The following SORCS3 variants were observed in gnomAD, a reference collection of about 807,000 sequenced individuals.
SORCS3 encodes sortilin related VPS10 domain containing receptor 3, also known as VPS10 domain-containing receptor SorCS3.
A neutral mutation model predicts 146.3 loss-of-function variants in SORCS3; 57 were observed. The observed-to-expected ratio is 0.39, with a 90% CI of 0.31 to 0.49. The LOEUF (loss-of-function observed/expected upper bound fraction) is 0.49. Among genes scored for constraint, SORCS3 ranks in the 20% least tolerant of loss-of-function variants. SORCS3 has a pLI of 0.92. For missense variants in SORCS3, 1,341 were observed against 1,575.5 expected (o/e 0.85, Z 2.52); for synonymous variants, 653 against 618.5 (o/e 1.06, Z -0.83).
intron 1 of SORCS3, among the ~76,000 whole-genome samples, chr10:104,656,793 G>GAA (rs2015637082): frequency 6.6e-6 from 1 of 152,210 alleles, no homozygotes; most frequent in South Asian, 2.1e-4. Flanking sequence ...GGGTTAGAGG[G>GAA]AAAAAAGGAT....
intron 2 of SORCS3, among the ~76,000 whole-genome samples, chr10:104,876,785 T>C (rs1231639764): frequency 3.5e-5 from 5 of 144,612 alleles, no homozygotes; most frequent in Non-Finnish European, 7.5e-5. Context: ...TTCCTTCTTT[T>C]CTTTTTTCTT....
chr10:104,857,879 C>T (rs2018352855), intron 2 of SORCS3, among the ~76,000 whole-genome samples: 2 of 152,192 alleles, frequency 1.3e-5, no homozygotes, highest in South Asian at 4.1e-4. Flanking sequence ...TTAAACTTAT[C>T]CCATTTCATT....
intron 14 of SORCS3, among the ~76,000 whole-genome samples, chr10:105,179,419 T>C (rs2056428962): frequency 6.6e-6 from 1 of 152,200 alleles, no homozygotes; most frequent in Admixed American, 6.5e-5. Context: ...ACTCCTGTTT[T>C]CCTTTCCTCC....
chr10:105,031,107 C>T (rs1001390029), intron 4 of SORCS3, among the ~76,000 whole-genome samples: 3 of 151,704 alleles, frequency 2.0e-5, no homozygotes, highest in Non-Finnish European at 2.9e-5. Flanking sequence ...CCAGCCTGGC[C>T]AACATGGTAA....
intron 7 of SORCS3, among the ~76,000 whole-genome samples, chr10:105,123,107 A>G (rs1379641984): frequency 6.6e-6 from 1 of 152,272 alleles, no homozygotes; most frequent in Non-Finnish European, 1.5e-5. Context: ...AAGACATTCC[A>G]ATATATAAAA....
chr10:104,703,639 A>T (rs1471715663), intron 1 of SORCS3, among the ~76,000 whole-genome samples: 1 of 151,632 alleles, frequency 6.6e-6, no homozygotes, highest in East Asian at 1.9e-4. Flanking sequence ...AGGATGGGTA[A>T]ATAGGTGCAT....
chr10:105,044,467 A>T (rs2133705400), intron 5 of SORCS3, among the ~76,000 whole-genome samples: 1 of 152,192 alleles, frequency 6.6e-6, no homozygotes, highest in South Asian at 2.1e-4. Flanking sequence ...TATCTTATGA[A>T]CACTCCCTTA....
intron 25 of SORCS3, 44 bp from the exon 26 acceptor site, chr10:105,262,287 C>T (rs1469066565): frequency 1.3e-6 from 2 of 1,581,188 alleles, no homozygotes; most frequent in Admixed American, 1.7e-5. Context: ...CCAAGTTTGG[C>T]ACACCCTGTG....
intron 3 of SORCS3, among the ~76,000 whole-genome samples, chr10:104,966,345 A>G (rs1212130826): frequency 2.6e-5 from 4 of 152,164 alleles, no homozygotes; most frequent in African/African-American, 7.2e-5. Context: ...CAACTTATCA[A>G]TTATATCAGT....
chr10:104,746,619 C>G (rs1022711497), intron 1 of SORCS3, among the ~76,000 whole-genome samples: 12 of 152,202 alleles, frequency 7.9e-5, no homozygotes, highest in Admixed American at 7.8e-4. Context: ...TTCCTCCAGT[C>G]TAGCTGAAAC....
chr10:104,834,920 G>A (rs1019460054), intron 1 of SORCS3, among the ~76,000 whole-genome samples: 3 of 151,800 alleles, frequency 2.0e-5, no homozygotes, highest in African/African-American at 7.3e-5. Flanking sequence ...AGATGAGAAA[G>A]GAATCATGCT....
At chr10:104,895,346 G>T (rs374739789) in intron 2 of SORCS3, among the ~76,000 whole-genome samples, 3 of 152,138 alleles carry the variant, frequency 2.0e-5, no homozygotes, top group African/African-American at 4.8e-5. Context: ...GTGCAAACTC[G>T]TGCCCCATCC....
chr10:104,858,600 G>T (rs887811816), intron 2 of SORCS3, among the ~76,000 whole-genome samples: 24 of 150,886 alleles, frequency 1.6e-4, no homozygotes, highest in Non-Finnish European at 2.7e-4. Flanking sequence ...AGCATACATT[G>T]TCAGATTTGT....
intron 3 of SORCS3, among the ~76,000 whole-genome samples, chr10:104,971,242 C>T (rs1416050765): frequency 6.6e-6 from 1 of 152,162 alleles, no homozygotes; most frequent in Admixed American, 6.5e-5. Context: ...CGGTGTGAAA[C>T]ATGGATTGGA....
At chr10:104,989,926 G>A (rs1199931008) in intron 4 of SORCS3, among the ~76,000 whole-genome samples, 2 of 152,182 alleles carry the variant, frequency 1.3e-5, no homozygotes, top group Non-Finnish European at 2.9e-5. Flanking sequence ...ACTTCAACAA[G>A]GAGGCAAAAC....
rs539352754 is a variant in SORCS3 at position 104,893,850 on chromosome 10, A to T, written c.696-21983A>T. 1.0e-3 allele frequency among the ~76,000 whole-genome samples: 156 copies of T among 151,974 alleles called. 2 individuals are homozygous for T. The highest frequency in any genetic ancestry group is 3.6e-3 in the African/African-American group (151 of 41,438). ...TTCTGCTCTTCCGAGACTCTCCTTC[A>T]CCCATTCTGATAAGGACCTCGGGTT... On this transcript the variant is annotated intron_variant, in intron 2 of 26. Coordinates refer to ENST00000369701, the MANE Select transcript of SORCS3 (RefSeq NM_014978.3).
At chr10:104,969,899 A>ACATT (rs2054849702) in intron 3 of SORCS3, among the ~76,000 whole-genome samples, 1 of 152,214 alleles carries the variant, frequency 6.6e-6, no homozygotes, top group Admixed American at 6.5e-5. Flanking sequence ...GGAAGAAAAT[A>ACATT]CATTGCACAA....
chr10:105,033,278 C>T (rs1224155958), intron 4 of SORCS3, among the ~76,000 whole-genome samples: 1 of 152,148 alleles, frequency 6.6e-6, no homozygotes, highest in African/African-American at 2.4e-5. Context: ...CTTTCAACAG[C>T]AAGAAGGTAA....
At chr10:105,111,193 G>A (rs1204457743) in intron 7 of SORCS3, among the ~76,000 whole-genome samples, 1 of 152,102 alleles carries the variant, frequency 6.6e-6, no homozygotes, top group Non-Finnish European at 1.5e-5. Context: ...TGCCTGGGAT[G>A]TCCCTTTACC....
Sources: gnomAD v4.1 joint callset for allele counts (sites outside exome capture counted in the v4.1 genomes callset) on GRCh38, gnomAD v4.1.1 for gene constraint, MANE v1.5 for transcripts, NCBI Gene and HGNC (gene_info 2026-07-23, HGNC 2026-07-21) for gene names.